Variants in CDK6 observed in about 807,000 individuals in gnomAD.
The protein encoded by CDK6 is cyclin-dependent kinase 6.
Under a neutral mutation model 37.1 loss-of-function variants are expected in CDK6, and 6 were observed. The observed-to-expected ratio is 0.16, with a 90% confidence interval of 0.09 to 0.32. The LOEUF is 0.32. Among genes scored for constraint, CDK6 ranks in the 10% least tolerant of loss-of-function variants. The probability of loss-of-function intolerance (pLI) is 1.00; values close to 1 mark genes in which losing one functional copy is unlikely to be tolerated. For synonymous variants in CDK6, 160 were observed against 161.3 expected (o/e 0.99, Z 0.06); for missense variants, 224 against 418.9 (o/e 0.53, Z 4.06).
chr7:92,778,729 G>A (rs548844425), intron 2 of CDK6, among the ~76,000 whole-genome samples: 5 of 151,818 alleles, frequency 3.3e-5, no homozygotes, highest in African/African-American at 1.2e-4. Context: ...AACCAAAAAT[G>A]GCATGTCCCT....
chr7:92,798,796 C>T (rs1237977541), intron 2 of CDK6, among the ~76,000 whole-genome samples: 1 of 152,104 alleles, frequency 6.6e-6, no homozygotes, highest in African/African-American at 2.4e-5. Context: ...CTTCCTCAGC[C>T]TTTACTTAGG....
intron 5 of CDK6, among the ~76,000 whole-genome samples, chr7:92,667,166 T>G (rs1019223675): frequency 6.6e-6 from 1 of 152,040 alleles, no homozygotes; most frequent in African/African-American, 2.4e-5. Flanking sequence ...AATGAGGATA[T>G]AAAGAAAAGA....
chr7:92,730,140 A>G (rs1798610182), intron 3 of CDK6, among the ~76,000 whole-genome samples: 1 of 152,244 alleles, frequency 6.6e-6, no homozygotes, highest in South Asian at 2.1e-4. Flanking sequence ...ACAACTTTAA[A>G]TAGACAATTC....
At chr7:92,640,529 T>A (rs1428433197) in intron 5 of CDK6, among the ~76,000 whole-genome samples, 1 of 152,198 alleles carries the variant, frequency 6.6e-6, no homozygotes, top group Non-Finnish European at 1.5e-5. Context: ...ACTGAAGGCT[T>A]TGACAACTCT....
In CDK6 at chr7:92,833,783, T is replaced by C. The variant is rs1005314412; in HGVS notation, c.-367-93A>G. 1.7e-5 allele frequency: 7 copies of C among 404,564 alleles called. No individual in the cohort carries two copies. The highest frequency in any genetic ancestry group is 2.6e-5 in the Non-Finnish European group (6 of 230,480). The allele number at this position is 404,564 out of a possible 1,614,324, so 25.1% of individuals were successfully genotyped here. A position where few individuals can be genotyped will look rare whatever the true frequency, so the allele number is the denominator to read the frequency against. Reference sequence around the variant, plus strand: ...CCTCCAGACTCCCCTCCTCCTCCTTTACGAAGCCTCCATCGCTACCCTCCG... The same window carrying C: ...CCTCCAGACTCCCCTCCTCCTCCTTCACGAAGCCTCCATCGCTACCCTCCG... On this transcript the variant is annotated intron_variant, in intron 1 of 7. Transcript: ENST00000424848. This position sits in a 1 kb window ranked among gnomAD's most constrained non-coding sequence, Gnocchi z 6.1.
intron 2 of CDK6, among the ~76,000 whole-genome samples, chr7:92,803,720 A>G (rs1800651694): frequency 1.3e-5 from 2 of 152,260 alleles, no homozygotes; most frequent in Admixed American, 1.3e-4. Flanking sequence ...GAACTGGAAC[A>G]TAACCCAAAC....
rs892586115 is a variant in CDK6, at chr7:92,608,198, T to C, written c.*6942A>G. ...GTCATAGTTCTTGGCAGTCAATATG[T>C]AGTTATATGCCCCCTTTGAGAAAAA... is the stretch of plus-strand genomic sequence containing the variant. On this transcript the variant is annotated 3_prime_UTR_variant, in exon 8 of 8. Transcript: ENST00000424848. 14 of 232,344 alleles carry C rather than the reference T, an allele frequency of 6.0e-5. No individual in the cohort carries two copies. The highest frequency in any genetic ancestry group is 1.8e-4 in the South Asian group (1 of 5,518). The allele number at this position is 232,344 out of a possible 1,614,324, so 14.4% of individuals were successfully genotyped here.
At chr7:92,636,809 G>T (rs917107177) in intron 5 of CDK6, among the ~76,000 whole-genome samples, 1 of 152,148 alleles carries the variant, frequency 6.6e-6, no homozygotes, top group African/African-American at 2.4e-5. Flanking sequence ...GGGATTACAG[G>T]CATGCGCCAC....
intron 3 of CDK6, among the ~76,000 whole-genome samples, chr7:92,730,613 T>C (rs1365565647): frequency 6.6e-6 from 1 of 152,210 alleles, no homozygotes; most frequent in African/African-American, 2.4e-5. Context: ...ACATACCTCA[T>C]ACATGTGGAA....
chr7:92,783,782 G>A (rs957083207), intron 2 of CDK6, among the ~76,000 whole-genome samples: 10 of 152,106 alleles, frequency 6.6e-5, no homozygotes, highest in Admixed American at 2.0e-4. Flanking sequence ...CCTACCACAC[G>A]ATCAGCAACA....
chr7:92,682,381 C>T (rs1285110046), intron 4 of CDK6, among the ~76,000 whole-genome samples: 6 of 152,152 alleles, frequency 3.9e-5, no homozygotes, highest in African/African-American at 7.2e-5. Flanking sequence ...TGTGCTATGT[C>T]GTGCCTCATG....
chr7:92,686,716 T>C (rs975649704), intron 4 of CDK6, among the ~76,000 whole-genome samples: 2 of 152,184 alleles, frequency 1.3e-5, no homozygotes, highest in African/African-American at 4.8e-5. Context: ...CTGTTTTCTA[T>C]AGTGATGTAC....
At chr7:92,700,237 A>G (rs1797812419) in intron 4 of CDK6, among the ~76,000 whole-genome samples, 1 of 152,178 alleles carries the variant, frequency 6.6e-6, no homozygotes, top group Non-Finnish European at 1.5e-5. Flanking sequence ...GGAGAAGGGG[A>G]GGTACTAAAG....
At chr7:92,675,927 TTTTC>T (rs1797192886) in intron 4 of CDK6, among the ~76,000 whole-genome samples, 1 of 152,100 alleles carries the variant, frequency 6.6e-6, no homozygotes, top group Non-Finnish European at 1.5e-5. Context: ...GTTATACTGA[TTTTC>T]TTTTTCTTAA....
Position 92,768,212 on chromosome 7 carries a change from A to T in CDK6, c.369+6484T>A, listed in dbSNP as rs139131851. Reference sequence around the variant, plus strand: ...GTAGAGGGGTAAACAGTGAAAACAAAGGATATAGAAAACACAGGGTCTTGA... The same window carrying T: ...GTAGAGGGGTAAACAGTGAAAACAATGGATATAGAAAACACAGGGTCTTGA... On this transcript the variant is annotated intron_variant, in intron 3 of 7. Transcript: ENST00000424848. 1.5e-3 allele frequency among the ~76,000 whole-genome samples: 231 copies of T among 152,282 alleles called. 2 individuals carry two copies. Among genetic ancestry groups the T allele is most frequent in the African/African-American group, 5.1e-3 (213 of 41,574 alleles).
chr7:92,605,848 G>GT lies in CDK6; in HGVS notation c.*9291_*9292insA, dbSNP rs1795415646. The GT allele has an allele frequency of 4.3e-6, 1 of 233,346 alleles. No individual in the cohort carries two copies. The highest frequency in any genetic ancestry group is 5.6e-5 in the Admixed American group (1 of 17,780). The allele number at this position is 233,346 out of a possible 1,614,324, so 14.5% of individuals were successfully genotyped here. On this transcript the variant is annotated 3_prime_UTR_variant, in exon 8 of 8. Coordinates refer to ENST00000424848, the MANE Select transcript of CDK6 (RefSeq NM_001145306.2). ...GAGAGCTGTGCTGCACCCACAGGGT[G>GT]GACCCGACAGGCCACTGTGGTAACT...
chr7:92,702,151 TCTTTC>T (rs905082049), intron 4 of CDK6, among the ~76,000 whole-genome samples: 1 of 151,966 alleles, frequency 6.6e-6, no homozygotes, highest in Non-Finnish European at 1.5e-5. Context: ...TAAGGCTGAT[TCTTTC>T]CTTATAGAAG....
intron 5 of CDK6, among the ~76,000 whole-genome samples, chr7:92,629,278 T>C (rs1796000266): frequency 1.3e-5 from 2 of 152,084 alleles, no homozygotes; most frequent in Non-Finnish European, 2.9e-5. Flanking sequence ...GGAGGGACTA[T>C]GAGTCTGGTA....
intron 5 of CDK6, among the ~76,000 whole-genome samples, chr7:92,651,470 G>T (rs1036606380): frequency 6.6e-6 from 1 of 152,076 alleles, no homozygotes; most frequent in Non-Finnish European, 1.5e-5. Context: ...ACCAAAAGAA[G>T]AATTTCACTG....
Sources: gnomAD v4.1 joint callset for allele counts (sites outside exome capture counted in the v4.1 genomes callset) on GRCh38, gnomAD v4.1.1 for gene constraint, Gnocchi (gnomAD v3.1) non-coding constraint, MANE v1.5 for transcripts, NCBI Gene and HGNC (gene_info 2026-07-23, HGNC 2026-07-21) for gene names.